SLC44A5: variants seen among roughly 807,000 people sequenced by gnomAD.
SLC44A5 encodes choline transporter-like protein 5.
SLC44A5 carries 57 observed loss-of-function variants against 101.8 expected under a neutral mutation model. The ratio of observed to expected loss-of-function variants is 0.56; its 90% CI spans 0.45 to 0.70. The LOEUF (loss-of-function observed/expected upper bound fraction) is 0.70. Among genes scored for constraint, SLC44A5 ranks in the 30% least tolerant of loss-of-function variants. The pLI is 0.00. For synonymous variants in SLC44A5, 281 were observed against 290.9 expected (o/e 0.97, Z 0.35); for missense variants, 737 against 853.1 (o/e 0.86, Z 1.70).
At chr1:75,496,783 G>A (rs1451830439) in intron 2 of SLC44A5, among the ~76,000 whole-genome samples, 2 of 151,872 alleles carry the variant, frequency 1.3e-5, no homozygotes, top group African/African-American at 2.4e-5. Context: ...GAACTTAATA[G>A]CAAAAATACA....
At chr1:75,439,956 T>C (rs1178252138) in intron 2 of SLC44A5, among the ~76,000 whole-genome samples, 1 of 152,036 alleles carries the variant, frequency 6.6e-6, no homozygotes, top group East Asian at 1.9e-4. Context: ...GCTAATATTA[T>C]CTAAAGATTG....
At chr1:75,572,566 T>C (rs966087599) in intron 1 of SLC44A5, among the ~76,000 whole-genome samples, 1 of 152,188 alleles carries the variant, frequency 6.6e-6, no homozygotes, top group Non-Finnish European at 1.5e-5. Flanking sequence ...GAGGGAATAT[T>C]GTTTATTGGC....
At chr1:75,275,823 A>G (rs1057177532) in intron 5 of SLC44A5, among the ~76,000 whole-genome samples, 7 of 152,114 alleles carry the variant, frequency 4.6e-5, no homozygotes, top group Non-Finnish European at 1.5e-5. Flanking sequence ...AACTTCTCCA[A>G]TTTGACTAAT....
chr1:75,301,905 A>C (rs1557639998), intron 4 of SLC44A5, among the ~76,000 whole-genome samples: 1 of 152,168 alleles, frequency 6.6e-6, no homozygotes, highest in African/African-American at 2.4e-5. Flanking sequence ...AAATAGCTAC[A>C]TCTAAAATCA....
chr1:75,477,825 T>C (rs920835174), intron 2 of SLC44A5, among the ~76,000 whole-genome samples: 1 of 152,042 alleles, frequency 6.6e-6, no homozygotes, highest in Non-Finnish European at 1.5e-5. Context: ...TGGAAAACAC[T>C]CTGCAGGATA....
Position 75,456,106 on chromosome 1 carries a change from C to A in SLC44A5, c.14-59485G>T, listed in dbSNP as rs776078743. On this transcript the variant is annotated intron_variant, in intron 2 of 23. Transcript: ENST00000370859. ...AATAACAACAAAGACATGAAATCAA[C>A]CCAGATACCCATCAACAATGGATTG... Among the ~76,000 whole-genome samples, 5 of 152,250 alleles carry A rather than the reference C, an allele frequency of 3.3e-5. No homozygotes were observed. In the Middle Eastern group the frequency reaches 0.01, roughly 311 times the overall value.
chr1:75,213,798 A>C lies in SLC44A5; in HGVS notation c.1874-5T>G. On this transcript the variant is annotated splice_region_variant and splice_polypyrimidine_tract_variant and intron_variant, in intron 21 of 23. Coordinates refer to ENST00000370859, the MANE Select transcript of SLC44A5 (RefSeq NM_001130058.2). ...AGAATAGGAAGGCCAGAACACCTAC[A>C]TTGAAAAGGTAGAACATGTATATTA... 6.2e-7 allele frequency: 1 copy of C among 1,603,352 alleles called. No homozygotes were observed. The highest frequency in any genetic ancestry group is 8.5e-7 in the Non-Finnish European group (1 of 1,170,484).
intron 2 of SLC44A5, among the ~76,000 whole-genome samples, chr1:75,503,931 T>A (rs1669104396): frequency 6.6e-6 from 1 of 152,190 alleles, no homozygotes; most frequent in Non-Finnish European, 1.5e-5. Context: ...ATGTAGGATA[T>A]TTTTAAAGAG....
rs190894715 is a variant in SLC44A5 at position 75,514,970 on chromosome 1, A to G, written c.13+26465T>C. Among the ~76,000 whole-genome samples the G allele has an allele frequency of 5.1e-4, 78 of 152,328 alleles. 1 individual carries two copies. The highest frequency in any genetic ancestry group is 1.7e-3 in the African/African-American group (71 of 41,582). ...TTTTTAATCCAAGTAATTTTATTGA[A>G]CTATATTAGGATCTCATAGTTAGAC... On this transcript the variant is annotated intron_variant, in intron 2 of 23. Coordinates refer to ENST00000370859, the MANE Select transcript of SLC44A5 (RefSeq NM_001130058.2).
At chr1:75,277,773 T>G (rs1056548644) in intron 5 of SLC44A5, among the ~76,000 whole-genome samples, 1 of 152,006 alleles carries the variant, frequency 6.6e-6, no homozygotes, top group African/African-American at 2.4e-5. Flanking sequence ...AGAAGAATAC[T>G]TCTTCTTGAC....
At chr1:75,353,358 AT>A (rs1658827902) in intron 3 of SLC44A5, among the ~76,000 whole-genome samples, 1 of 152,116 alleles carries the variant, frequency 6.6e-6, no homozygotes, top group South Asian at 2.1e-4. Context: ...AGATATAATA[AT>A]TTTTTGACTA....
intron 6 of SLC44A5, among the ~76,000 whole-genome samples, chr1:75,269,691 A>G (rs1408544484): frequency 6.6e-6 from 1 of 152,084 alleles, no homozygotes; most frequent in Non-Finnish European, 1.5e-5. Context: ...ATCCATCTTT[A>G]TCACATTCAA....
At chr1:75,632,628 G>C in the SLC44A5 span, among the ~76,000 whole-genome samples, 1 of 152,024 alleles carries the variant, frequency 6.6e-6, no homozygotes, top group Non-Finnish European at 1.5e-5. Context: ...TCCTGAAATT[G>C]TTTTTCAAGA....
At chr1:75,512,413 C>G (rs889710448) in intron 2 of SLC44A5, among the ~76,000 whole-genome samples, 6 of 152,192 alleles carry the variant, frequency 3.9e-5, no homozygotes, top group Admixed American at 2.6e-4. Context: ...GCCTTCACCT[C>G]TGTAGATTAC....
intron 1 of SLC44A5, among the ~76,000 whole-genome samples, chr1:75,551,651 G>C (rs1483172753): frequency 2.0e-5 from 3 of 151,984 alleles, no homozygotes; most frequent in Non-Finnish European, 4.4e-5. Flanking sequence ...TAATAACCCA[G>C]TTTCTGAACC....
intron 7 of SLC44A5, among the ~76,000 whole-genome samples, chr1:75,245,167 G>T (rs1267336695): frequency 6.6e-6 from 1 of 151,994 alleles, no homozygotes; most frequent in Non-Finnish European, 1.5e-5. Context: ...TTTTGGCAGG[G>T]CAAACAACTC....
At chr1:75,497,815 A>G in intron 2 of SLC44A5, among the ~76,000 whole-genome samples, 1 of 152,180 alleles carries the variant, frequency 6.6e-6, no homozygotes, top group East Asian at 1.9e-4. Context: ...ATTACTTAAG[A>G]ATATACTTCA....
At chr1:75,213,825 A>ACT in intron 21 of SLC44A5, 32 bp from the exon 22 acceptor site, 1 of 1,562,166 alleles carries the variant, frequency 6.4e-7, no homozygotes, top group East Asian at 2.2e-5. Flanking sequence ...TGTATATTAT[A>ACT]CTTTTGCAAA....
intron 4 of SLC44A5, among the ~76,000 whole-genome samples, chr1:75,317,150 A>G (rs1486685526): frequency 6.6e-6 from 1 of 152,246 alleles, no homozygotes; most frequent in Non-Finnish European, 1.5e-5. Context: ...TGTATGTTCC[A>G]ATCTTTCAAT....
Sources: allele counts gnomAD v4.1 joint callset (sites outside exome capture counted in the v4.1 genomes callset), GRCh38; gene constraint gnomAD v4.1.1; transcripts MANE v1.5; gene names NCBI Gene and HGNC (gene_info 2026-07-23, HGNC 2026-07-21).